AGBL1: variants seen among roughly 807,000 people sequenced by gnomAD.
The protein encoded by AGBL1 is AGBL carboxypeptidase 1.
Under a neutral mutation model 118.9 loss-of-function variants are expected in AGBL1, and 130 were observed. The observed-to-expected ratio is 1.09, with a 90% CI of 0.95 to 1.26. The LOEUF (loss-of-function observed/expected upper bound fraction) is 1.26, where lower values mean the gene tolerates loss of function less well. Among genes scored for constraint, AGBL1 ranks in the 50% most tolerant of loss-of-function variants. AGBL1 has a pLI of 0.00. For missense variants in AGBL1, 1,584 were observed against 1,298.1 expected, an observed-to-expected ratio of 1.22 and a Z score of -3.38; for synonymous variants, 555 against 478.9, an observed-to-expected ratio of 1.16 and a Z score of -2.08.
chr15:87,022,054 T>C (rs1289427008), intron 24 of AGBL1, among the ~76,000 whole-genome samples: 1 of 152,048 alleles, frequency 6.6e-6, no homozygotes, highest in African/African-American at 2.4e-5. Flanking sequence ...TAACAATCAC[T>C]ACAGCTATTC....
intron 22 of AGBL1, among the ~76,000 whole-genome samples, chr15:86,760,916 G>C (rs1319237937): frequency 6.6e-6 from 1 of 152,072 alleles, no homozygotes; most frequent in Non-Finnish European, 1.5e-5. Flanking sequence ...CAGTAAAACT[G>C]AACTGGTTCA....
intron 5 of AGBL1, among the ~76,000 whole-genome samples, chr15:86,223,315 G>C (rs1453648769): frequency 1.3e-5 from 2 of 152,104 alleles, no homozygotes; most frequent in Non-Finnish European, 2.9e-5. Context: ...CCTTGCTTGG[G>C]ACATCCTTAT....
intron 18 of AGBL1, among the ~76,000 whole-genome samples, chr15:86,402,273 G>C (rs768483951): frequency 2.0e-5 from 3 of 152,016 alleles, no homozygotes; most frequent in Admixed American, 6.6e-5. Flanking sequence ...CTTAGTTACT[G>C]TTAGTGTATA....
In AGBL1 at chr15:86,159,350, G is replaced by A. The variant is rs553775737; in HGVS notation, c.488+324G>A. Among the ~76,000 whole-genome samples, 7 of 152,160 alleles carry A rather than the reference G, an allele frequency of 4.6e-5. No homozygotes were observed. The East Asian group carries it at 1.2e-3, about 25-fold the overall frequency. On this transcript the variant is annotated intron_variant, in intron 5 of 22. Coordinates refer to ENST00000614907, the MANE Select transcript of AGBL1 (RefSeq NM_001386094.1). ...ATTTGATTCCAGATCTTTCAGACTC[G>A]AAACCTCATGTTCTTTTTGCCTGAA... is the stretch of plus-strand genomic sequence containing the variant.
chr15:86,481,131 CAAA>C (rs61161857), intron 18 of AGBL1, among the ~76,000 whole-genome samples: 58,183 of 133,598 alleles, frequency 0.44, 11,866 homozygotes, highest in Middle Eastern at 0.52. Context: ...ACAATGAGAG[CAAA>C]AAAAAAAAAA....
At chr15:86,439,200 A>G (rs556455743) in intron 18 of AGBL1, among the ~76,000 whole-genome samples, 1 of 152,226 alleles carries the variant, frequency 6.6e-6, no homozygotes, top group South Asian at 2.1e-4. Flanking sequence ...TGTCCCCAGT[A>G]TTTAAGGGTA....
At chr15:86,241,221 TTA>T (rs2078636691) in intron 6 of AGBL1, among the ~76,000 whole-genome samples, 1 of 152,198 alleles carries the variant, frequency 6.6e-6, no homozygotes, top group African/African-American at 2.4e-5. Context: ...TAAATTTTAC[TTA>T]TTTTGAAATT....
intron 18 of AGBL1, among the ~76,000 whole-genome samples, chr15:86,428,146 G>A (rs1359571806): frequency 6.6e-6 from 1 of 152,156 alleles, no homozygotes; most frequent in Non-Finnish European, 1.5e-5. Context: ...TCACTAAAAG[G>A]AGGGATCTGA....
intron 22 of AGBL1, among the ~76,000 whole-genome samples, chr15:86,729,403 C>T (rs751443007): frequency 3.3e-5 from 5 of 152,040 alleles, no homozygotes; most frequent in Admixed American, 6.5e-5. Flanking sequence ...GCATAGTACC[C>T]AATGGGTAGT....
chr15:86,150,323 A>G (rs1761449633), intron 3 of AGBL1, among the ~76,000 whole-genome samples: 1 of 152,200 alleles, frequency 6.6e-6, no homozygotes. Context: ...CCTTCAAAAA[A>G]TCAATGAATC....
chr15:87,012,037 G>A (rs1321321612), intron 24 of AGBL1, among the ~76,000 whole-genome samples: 1 of 151,944 alleles, frequency 6.6e-6, no homozygotes, highest in Non-Finnish European at 1.5e-5. Context: ...TTTATAAAAG[G>A]CCCAACAGAG....
chr15:86,911,573 C>T lies in AGBL1; in HGVS notation c.*4279C>T, dbSNP rs59513227. 12,670 of 152,306 alleles carry T rather than the reference C, an allele frequency of 0.083. 584 individuals carry two copies. The highest frequency in any genetic ancestry group is 0.1 in the African/African-American group (4,257 of 41,548). The allele number at this position is 152,306 out of a possible 1,614,324, so 9.4% of individuals were successfully genotyped here. The stretch of plus-strand genomic sequence containing the variant: ...ATTTGCCACAGAACATACCCTCTTT[C>T]TCTCTCATCGCACTTATGCTTGTGA... On this transcript the variant is annotated 3_prime_UTR_variant, in exon 23 of 23. Coordinates refer to ENST00000614907, the MANE Select transcript of AGBL1 (RefSeq NM_001386094.1).
At chr15:86,874,666 G>C (rs77399460) in intron 22 of AGBL1, among the ~76,000 whole-genome samples, 1 of 151,976 alleles carries the variant, frequency 6.6e-6, no homozygotes, top group Admixed American at 6.6e-5. Flanking sequence ...AGAAGAAATG[G>C]GGACATTCTT....
intron 18 of AGBL1, among the ~76,000 whole-genome samples, chr15:86,417,432 C>G (rs1290836023): frequency 1.3e-5 from 2 of 152,174 alleles, no homozygotes; most frequent in Non-Finnish European, 2.9e-5. Context: ...TGAATTACCT[C>G]ACTCATTAAT....
At chr15:86,383,910 T>G (rs1322269937) in intron 17 of AGBL1, among the ~76,000 whole-genome samples, 1 of 152,244 alleles carries the variant, frequency 6.6e-6, no homozygotes, top group Non-Finnish European at 1.5e-5. Flanking sequence ...AGAATGTATT[T>G]CAAAGTTTTC....
chr15:86,364,372 T>C (rs1344916808), intron 17 of AGBL1, among the ~76,000 whole-genome samples: 4 of 152,202 alleles, frequency 2.6e-5, no homozygotes, highest in African/African-American at 9.7e-5. Context: ...GTTACATTAA[T>C]TATGTGCTAT....
intron 22 of AGBL1, among the ~76,000 whole-genome samples, chr15:86,723,311 A>T (rs546746417): frequency 7.2e-5 from 11 of 152,342 alleles, no homozygotes; most frequent in African/African-American, 2.6e-4. Context: ...TACACCATGG[A>T]ATAGTATGCA....
chr15:86,686,988 G>A lies in AGBL1; in HGVS notation c.3158+12552G>A, dbSNP rs149182747. On this transcript the variant is annotated intron_variant, in intron 22 of 22. Coordinates refer to ENST00000614907, the MANE Select transcript of AGBL1 (RefSeq NM_001386094.1). ...GAATGTTTAACCACTACTCCCATTT[G>A]AACAGTGGATGTGGTTTTGTAAAAT... Among the ~76,000 whole-genome samples, 656 of 152,186 alleles carry A rather than the reference G, an allele frequency of 4.3e-3. 2 individuals are homozygous for A. The highest frequency in any genetic ancestry group is 0.015 in the African/African-American group (618 of 41,526).
chr15:86,595,998 C>A (rs1478490653), intron 21 of AGBL1, among the ~76,000 whole-genome samples: 1 of 151,988 alleles, frequency 6.6e-6, no homozygotes, highest in Non-Finnish European at 1.5e-5. Flanking sequence ...AAAAGCATCT[C>A]AAAAGACCAA....
Sources: allele counts gnomAD v4.1 joint callset (sites outside exome capture counted in the v4.1 genomes callset), GRCh38; gene constraint gnomAD v4.1.1; transcripts MANE v1.5; gene names NCBI Gene and HGNC (gene_info 2026-07-23, HGNC 2026-07-21).